The following TRDN variants were observed in gnomAD, a reference collection of about 807,000 sequenced individuals.
TRDN encodes the protein triadin, also known as triadin in skeletal muscle.
In TRDN, 161 loss-of-function variants were observed where a neutral mutation model predicts 149.7. The ratio of observed to expected loss-of-function variants is 1.08; its 90% CI spans 0.95 to 1.23. TRDN has a LOEUF of 1.23. Among genes scored for constraint, TRDN ranks in the 50% most tolerant of loss-of-function variants. TRDN has a pLI of 0.00. For missense variants in TRDN, 896 were observed against 823.5 expected (o/e 1.09, Z -1.08); for synonymous variants, 294 against 250.5 (o/e 1.17, Z -1.64).
intron 2 of TRDN, among the ~76,000 whole-genome samples, chr6:123,564,727 T>A (rs550558987): frequency 6.2e-4 from 95 of 152,314 alleles, no homozygotes; most frequent in African/African-American, 2.2e-3. Context: ...TTCCTGGTAA[T>A]AAGATTCAAA....
chr6:123,601,579 C>G (rs1321877), intron 1 of TRDN, among the ~76,000 whole-genome samples: 37,065 of 151,902 alleles, frequency 0.24, 4,738 homozygotes, highest in East Asian at 0.47. Flanking sequence ...AAAAGGAGTT[C>G]CCTCCTCTAA....
At chr6:123,454,631 T>A (rs1775991098) in intron 10 of TRDN, among the ~76,000 whole-genome samples, 1 of 152,162 alleles carries the variant, frequency 6.6e-6, no homozygotes, top group Non-Finnish European at 1.5e-5. Flanking sequence ...CAGTGCCCTG[T>A]TAGGAACTAG....
intron 12 of TRDN, among the ~76,000 whole-genome samples, chr6:123,412,169 A>G (rs1455827553): frequency 6.6e-6 from 1 of 152,174 alleles, no homozygotes. Flanking sequence ...TTATGTAGTT[A>G]TTAGACGAAC....
At chr6:123,330,932 A>T in intron 23 of TRDN, among the ~76,000 whole-genome samples, 1 of 152,040 alleles carries the variant, frequency 6.6e-6, no homozygotes, top group Non-Finnish European at 1.5e-5. Context: ...CAATAAAAAA[A>T]TCCCAGTAAG....
intron 8 of TRDN, chr6:123,501,776 A>G (rs1037629343): frequency 1.3e-6 from 1 of 798,340 alleles, no homozygotes; most frequent in Admixed American, 6.2e-5. Context: ...ATGTCCTTTT[A>G]ATAGATAAAT....
At chr6:123,604,651 GAAGAA>G (rs1430176036) in intron 1 of TRDN, among the ~76,000 whole-genome samples, 2 of 152,070 alleles carry the variant, frequency 1.3e-5, no homozygotes, top group African/African-American at 2.4e-5. Flanking sequence ...AGAATGACAC[GAAGAA>G]TAGAGAGAAA....
chr6:123,258,605 G>A (rs1776645899), intron 35 of TRDN, among the ~76,000 whole-genome samples: 1 of 151,540 alleles, frequency 6.6e-6, no homozygotes, highest in Admixed American at 6.6e-5. Context: ...TCTTTTTTTT[G>A]TTATGTCTCT....
At chr6:123,439,810 G>T (rs1774773580) in intron 10 of TRDN, 1 of 152,182 alleles carries the variant, frequency 6.6e-6, no homozygotes, top group Non-Finnish European at 1.5e-5. Context: ...ACAAAGTCCT[G>T]TACTAATACA....
intron 14 of TRDN, 23 bp downstream of exon 14, chr6:123,388,499 G>A: frequency 1.9e-6 from 3 of 1,581,178 alleles, no homozygotes; most frequent in Non-Finnish European, 2.6e-6. Flanking sequence ...AAAAGGCTCA[G>A]TGGGATTTTG....
chr6:123,441,888 A>T (rs1334708721), intron 10 of TRDN: 1 of 152,200 alleles, frequency 6.6e-6, no homozygotes, highest in East Asian at 1.9e-4. Context: ...CTTTTATTCT[A>T]ACACTGTGGC....
chr6:123,320,023 AG>A (rs1455767665), intron 23 of TRDN, among the ~76,000 whole-genome samples: 1 of 152,122 alleles, frequency 6.6e-6, no homozygotes, highest in African/African-American at 2.4e-5. Context: ...CTTCATAAAA[AG>A]AAAAGAAATA....
intron 25 of TRDN, 93 bp downstream of exon 25, chr6:123,278,963 A>G: frequency 8.4e-7 from 1 of 1,186,452 alleles, no homozygotes; most frequent in Non-Finnish European, 1.2e-6. Context: ...TTCAACATGA[A>G]ATCAAGATAA....
At chr6:123,286,386 T>A (rs1663370216) in intron 24 of TRDN, among the ~76,000 whole-genome samples, 1 of 152,096 alleles carries the variant, frequency 6.6e-6, no homozygotes, top group South Asian at 2.1e-4. Context: ...GCAACCTGGA[T>A]GGAACTGGAG....
At chr6:123,507,992 T>TAAA (rs61001808) in intron 7 of TRDN, among the ~76,000 whole-genome samples, 92 of 150,466 alleles carry the variant, frequency 6.1e-4, no homozygotes, top group African/African-American at 1.2e-3. Context: ...TTCTTTGCGT[T>TAAA]AAAAAAAAAG....
intron 1 of TRDN, among the ~76,000 whole-genome samples, chr6:123,613,932 G>T (rs1784936589): frequency 6.6e-6 from 1 of 151,972 alleles, no homozygotes; most frequent in Non-Finnish European, 1.5e-5. Flanking sequence ...TCTTCCTCTG[G>T]TCCTTTCTCA....
At chr6:123,523,430 T>C (rs572465159) in intron 5 of TRDN, among the ~76,000 whole-genome samples, 29 of 152,094 alleles carry the variant, frequency 1.9e-4, no homozygotes, top group African/African-American at 6.7e-4. Context: ...CATGATAAAC[T>C]ACGAAGCTGG....
chr6:123,340,637 C>G (rs1454915021), intron 21 of TRDN, among the ~76,000 whole-genome samples: 1 of 151,996 alleles, frequency 6.6e-6, no homozygotes, highest in Non-Finnish European at 1.5e-5. Flanking sequence ...AACTCTCTCT[C>G]TCTTTCTCTT....
In TRDN at chr6:123,622,346, CAG is replaced by C. The variant is rs1382799701; in HGVS notation, c.22+14406_22+14407del. On this transcript the variant is annotated intron_variant, in intron 1 of 40. Coordinates refer to ENST00000334268, the MANE Select transcript of TRDN (RefSeq NM_006073.4). ...ACACACACACACACACACACACACA[CAG>C]GCACACGCACACACATATAACATAC... 7.8e-3 allele frequency among the ~76,000 whole-genome samples: 500 copies of C among 63,920 alleles called. 9 individuals carry two copies. Among genetic ancestry groups the C allele is most frequent in the African/African-American group, 0.033 (458 of 13,782 alleles). The allele number at this position is 63,920 out of a possible 152,430, so 41.9% of individuals were successfully genotyped here.
At chr6:123,266,875 G>A (rs370637406) in intron 32 of TRDN, among the ~76,000 whole-genome samples, 306 of 141,884 alleles carry the variant, frequency 2.2e-3, no homozygotes, top group African/African-American at 7.1e-3. Flanking sequence ...TTGGGAGGCC[G>A]AGGTGGGTGG....
Sources: allele counts gnomAD v4.1 joint callset (sites outside exome capture counted in the v4.1 genomes callset), GRCh38; gene constraint gnomAD v4.1.1; transcripts MANE v1.5; gene names NCBI Gene and HGNC (gene_info 2026-07-23, HGNC 2026-07-21).